CPPED1: variants seen among roughly 807,000 people sequenced by gnomAD.
CPPED1 encodes calcineurin like phosphoesterase domain containing 1, also known as serine/threonine-protein phosphatase CPPED1.
Under a neutral mutation model 28.0 loss-of-function variants are expected in CPPED1, and 28 were observed. The observed-to-expected ratio is 1.00, with a 90% CI of 0.74 to 1.37. The LOEUF is 1.37. CPPED1 is among the 40% of genes most tolerant of loss of function. The pLI, the probability that CPPED1 is intolerant of heterozygous loss-of-function variation, is 0.00. For synonymous variants in CPPED1, 198 were observed against 180.2 expected (o/e 1.10, Z -0.79); for missense variants, 504 against 416.5 (o/e 1.21, Z -1.83).
chr16:12,685,332 C>T (rs9652584), intron 3 of CPPED1, among the ~76,000 whole-genome samples: 27,823 of 151,990 alleles, frequency 0.18, 4,094 homozygotes, highest in African/African-American at 0.41. Context: ...CACCTGTAAT[C>T]CCAGCTACTC....
At chr16:12,752,214 A>T (rs993931670) in intron 2 of CPPED1, among the ~76,000 whole-genome samples, 3 of 152,196 alleles carry the variant, frequency 2.0e-5, no homozygotes, top group African/African-American at 4.8e-5. Context: ...AAAGTCTATT[A>T]AAAAAACATC....
chr16:12,685,078 T>C (rs565262667), intron 3 of CPPED1, among the ~76,000 whole-genome samples: 25 of 152,368 alleles, frequency 1.6e-4, no homozygotes, highest in African/African-American at 6.0e-4. Flanking sequence ...CTCTGGATCC[T>C]GTCTGTTACT....
intron 2 of CPPED1, among the ~76,000 whole-genome samples, chr16:12,767,842 A>T (rs1158475363): frequency 1.3e-5 from 2 of 152,082 alleles, no homozygotes; most frequent in African/African-American, 4.8e-5. Context: ...CTGTAGTCCC[A>T]GTTACTTGGG....
rs368219062 is a variant in CPPED1 at position 12,702,461 on chromosome 16, C to G, written c.715+2163G>C. ...GTAGAGGTGGGAAGATTGTTTAAGC[C>G]TAGGAGGTCGAGGCTGCAGTGAGCC... On this transcript the variant is annotated intron_variant, in intron 3 of 3. Transcript: ENST00000381774. Among the ~76,000 whole-genome samples, 39 of 152,138 alleles carry G rather than the reference C, an allele frequency of 2.6e-4. No homozygotes were observed. The South Asian group carries it at 6.4e-3, about 25-fold the overall frequency.
At chr16:12,773,784 C>G (rs1464467347) in intron 2 of CPPED1, among the ~76,000 whole-genome samples, 1 of 152,186 alleles carries the variant, frequency 6.6e-6, no homozygotes, top group South Asian at 2.1e-4. Flanking sequence ...TCTGTCTCAG[C>G]CACCCACGTG....
intron 3 of CPPED1, among the ~76,000 whole-genome samples, chr16:12,674,586 G>A (rs1476475307): frequency 3.9e-5 from 6 of 152,096 alleles, no homozygotes; most frequent in African/African-American, 1.2e-4. Context: ...GCACAGTGGC[G>A]GGGCACTCTG....
At chr16:12,675,957 A>G (rs2079875499) in intron 3 of CPPED1, among the ~76,000 whole-genome samples, 1 of 152,332 alleles carries the variant, frequency 6.6e-6, no homozygotes, top group South Asian at 2.1e-4. Flanking sequence ...GATTCTGGCC[A>G]GGGGGCAAAG....
At chr16:12,742,230 T>C (rs1191556354) in intron 2 of CPPED1, among the ~76,000 whole-genome samples, 1 of 151,998 alleles carries the variant, frequency 6.6e-6, no homozygotes, top group African/African-American at 2.4e-5. Flanking sequence ...ACATAACCAA[T>C]AATAAGCTAT....
chr16:12,755,927 G>A (rs751786572), intron 2 of CPPED1, among the ~76,000 whole-genome samples: 7 of 152,112 alleles, frequency 4.6e-5, no homozygotes, highest in Non-Finnish European at 7.4e-5. Flanking sequence ...GAGGTCAGGA[G>A]ATGACCATCC....
At chr16:12,788,073 C>A (rs1468446537) in intron 1 of CPPED1, among the ~76,000 whole-genome samples, 1 of 152,208 alleles carries the variant, frequency 6.6e-6, no homozygotes, top group Non-Finnish European at 1.5e-5. Flanking sequence ...GCCATATGGG[C>A]CTCTCCAATA....
Position 12,661,271 on chromosome 16 carries a change from C to A in CPPED1, c.*3615G>T, listed in dbSNP as rs2079792732. The stretch of plus-strand genomic sequence containing the variant: ...TTTACAGGTATATAAGGTCAATGGC[C>A]CTAGTCTAATTCAGATTTAAACTAG... On this transcript the variant is annotated 3_prime_UTR_variant, in exon 4 of 4. Transcript: ENST00000381774. The A allele has an allele frequency of 6.6e-6, 1 of 152,044 alleles. No homozygotes were observed. The highest frequency in any genetic ancestry group is 1.5e-5 in the Non-Finnish European group (1 of 68,020). The allele number at this position is 152,044 out of a possible 1,614,324, so 9.4% of individuals were successfully genotyped here. A position where few individuals can be genotyped will look rare whatever the true frequency, so the allele number is the denominator to read the frequency against.
chr16:12,739,644 G>A (rs893926373), intron 2 of CPPED1, among the ~76,000 whole-genome samples: 1 of 152,146 alleles, frequency 6.6e-6, no homozygotes, highest in Non-Finnish European at 1.5e-5. Context: ...ATTGCTACGA[G>A]TAGGCTAACC....
At chr16:12,668,809 T>A in intron 3 of CPPED1, among the ~76,000 whole-genome samples, 1 of 152,210 alleles carries the variant, frequency 6.6e-6, no homozygotes, top group East Asian at 1.9e-4. Context: ...CGGATGGCTG[T>A]GATGAAAGAG....
At chr16:12,758,545 T>C (rs1169782687) in intron 2 of CPPED1, among the ~76,000 whole-genome samples, 1 of 152,260 alleles carries the variant, frequency 6.6e-6, no homozygotes, top group Non-Finnish European at 1.5e-5. Context: ...ATGCCTGGCA[T>C]TGTTCCCATT....
chr16:12,730,888 C>G (rs76886694), intron 2 of CPPED1, among the ~76,000 whole-genome samples: 1 of 152,120 alleles, frequency 6.6e-6, no homozygotes, highest in Non-Finnish European at 1.5e-5. Flanking sequence ...TCACATTACC[C>G]GCATTTTAGT....
intron 1 of CPPED1, among the ~76,000 whole-genome samples, chr16:12,784,387 A>T (rs575678891): frequency 7.2e-5 from 11 of 152,168 alleles, no homozygotes; most frequent in Non-Finnish European, 1.2e-4. Flanking sequence ...ACTAAGCTGT[A>T]CCCAGATTCC....
intron 3 of CPPED1, among the ~76,000 whole-genome samples, chr16:12,693,276 C>T (rs1031595554): frequency 3.3e-5 from 5 of 152,152 alleles, no homozygotes; most frequent in African/African-American, 1.2e-4. Context: ...AATCATGGAT[C>T]ACTGCAACTT....
rs975504672 is a variant in CPPED1, at chr16:12,660,462, A to G, written c.*4424T>C. 2.0e-5 allele frequency: 3 copies of G among 151,704 alleles called. No homozygotes were observed. Among genetic ancestry groups the G allele is most frequent in the African/African-American group, 7.3e-5 (3 of 41,280 alleles). 9.4% of individuals were successfully genotyped at this position (151,704 alleles called of 1,614,324 possible). The stretch of plus-strand genomic sequence containing the variant: ...CTTTTCTAGATAAATGCTAGAAATC[A>G]TTATTCCAAGAAAAGAATCCTCCAC... On this transcript the variant is annotated 3_prime_UTR_variant, in exon 4 of 4. Transcript: ENST00000381774.
chr16:12,801,773 G>A (rs1433130150), intron 1 of CPPED1, among the ~76,000 whole-genome samples: 1 of 152,128 alleles, frequency 6.6e-6, no homozygotes, highest in Non-Finnish European at 1.5e-5. Flanking sequence ...ATTTTAAAAA[G>A]GGTTTAAAAA....
Sources: gnomAD v4.1 joint callset for allele counts (sites outside exome capture counted in the v4.1 genomes callset) on GRCh38, gnomAD v4.1.1 for gene constraint, MANE v1.5 for transcripts, NCBI Gene and HGNC (gene_info 2026-07-23, HGNC 2026-07-21) for gene names.